DNTTIP1: variants seen among roughly 807,000 people sequenced by gnomAD.
The protein encoded by DNTTIP1 is deoxynucleotidyltransferase terminal-interacting protein 1.
Under a neutral mutation model 52.9 loss-of-function variants are expected in DNTTIP1, and 22 were observed. The ratio of observed to expected loss-of-function variants is 0.42; its 90% CI spans 0.30 to 0.59. The LOEUF (loss-of-function observed/expected upper bound fraction) is 0.59, where lower values mean the gene tolerates loss of function less well. DNTTIP1 is among the 20% of genes least tolerant of loss of function. DNTTIP1 has a pLI of 0.22. For synonymous variants in DNTTIP1, 136 were observed against 155.1 expected, an observed-to-expected ratio of 0.88 and a Z score of 0.92; for missense variants, 286 against 435.5, an observed-to-expected ratio of 0.66 and a Z score of 3.06.
intron 4 of DNTTIP1, among the ~76,000 whole-genome samples, chr20:45,799,916 G>A (rs924603791): frequency 2.8e-5 from 4 of 144,244 alleles, no homozygotes; most frequent in Non-Finnish European, 6.0e-5. Context: ...GACTAGCCTA[G>A]CCAACGTGAT....
In DNTTIP1 at chr20:45,811,408, T is replaced by C. The variant is rs1698325632; in HGVS notation, c.*213T>C. On this transcript the variant is annotated 3_prime_UTR_variant, in exon 13 of 13. Transcript: ENST00000372622. Reference sequence around the variant, plus strand: ...GGATAAGAAACAATTAAACAGTTTGTAGTAAACACAGATGGTGAACCTGCT... The same window carrying C: ...GGATAAGAAACAATTAAACAGTTTGCAGTAAACACAGATGGTGAACCTGCT... 2.0e-6 allele frequency: 1 copy of C among 511,952 alleles called. No homozygotes were observed. Among genetic ancestry groups the C allele is most frequent in the African/African-American group, 1.9e-5 (1 of 52,204 alleles). 31.7% of individuals were successfully genotyped at this position (511,952 alleles called of 1,614,324 possible). A position where few individuals can be genotyped will look rare whatever the true frequency, so the allele number is the denominator to read the frequency against.
Position 45,809,558 on chromosome 20 carries a change from CTT to C in DNTTIP1, c.795+376_795+377del, listed in dbSNP as rs1981756475. ...CTTCCACCAGACACAGCTATAGAATCTTTTCTCAACACAGTACTTGAGGCAGC... is the reference window on the plus strand; with the variant it reads ...CTTCCACCAGACACAGCTATAGAATCTTCTCAACACAGTACTTGAGGCAGC... On this transcript the variant is annotated intron_variant, in intron 11 of 12. Coordinates refer to ENST00000372622, the MANE Select transcript of DNTTIP1 (RefSeq NM_052951.3). This position sits in a 1 kb window ranked among gnomAD's most constrained non-coding sequence, Gnocchi z 4.2. 6.6e-6 allele frequency among the ~76,000 whole-genome samples: 1 copy of C among 152,238 alleles called. No individual in the cohort carries two copies. The highest frequency in any genetic ancestry group is 2.4e-5 in the African/African-American group (1 of 41,468).
Position 45,809,125 on chromosome 20 carries a change from C to T in DNTTIP1, c.735C>T (p.Asp245=), listed in dbSNP as rs1431577090. 1 of 1,613,926 alleles carries T rather than the reference C, an allele frequency of 6.2e-7. No homozygotes were observed. ...TTCATTCCTTACAGTATGCAGCTGA[C>T]CCCCAGGATAAGCACTGGCTGGCTG... The part of the protein sequence containing the change: ...KHPHLFKYAA[D]PQDKHWLAEQ... Residue 245 remains aspartate (D), a synonymous_variant, in exon 11 of 13, where the codon GAC becomes GAT. Coordinates refer to ENST00000372622, the MANE Select transcript of DNTTIP1 (RefSeq NM_052951.3). This position sits in a 1 kb window ranked among gnomAD's most constrained non-coding sequence, Gnocchi z 4.2.
chr20:45,808,407 G>A (rs1398567165), intron 10 of DNTTIP1, among the ~76,000 whole-genome samples: 5 of 152,000 alleles, frequency 3.3e-5, no homozygotes, highest in African/African-American at 1.2e-4. Context: ...TTGGGAGCCC[G>A]AGGTGGGCAG....
chr20:45,805,433 A>T (rs1001047083), intron 10 of DNTTIP1, 67 bp downstream of exon 10: 1 of 1,530,820 alleles, frequency 6.5e-7, no homozygotes, highest in African/African-American at 1.4e-5. Flanking sequence ...CACTCAGCAC[A>T]GAGAAGCTTA....
Position 45,810,573 on chromosome 20 carries a change from T to C in DNTTIP1, c.796-312T>C, listed in dbSNP as rs1425999729. ...GGTGGATCCCTTTTTTTTTCTTTTT[T>C]TCTTTTTTTTTTTTTTTTCTTAATT... On this transcript the variant is annotated intron_variant, in intron 11 of 12. Coordinates refer to ENST00000372622, the MANE Select transcript of DNTTIP1 (RefSeq NM_052951.3). Among the ~76,000 whole-genome samples the C allele has an allele frequency of 3.6e-4, 31 of 85,592 alleles. No individual in the cohort carries two copies. In the Admixed American group the frequency reaches 4.2e-3, roughly 12 times the overall value. 56.2% of individuals were successfully genotyped at this position (85,592 alleles called of 152,430 possible).
At chr20:45,797,863 A>G (rs1022794797) in intron 4 of DNTTIP1, among the ~76,000 whole-genome samples, 1,910 of 152,314 alleles carry the variant, frequency 0.013, 42 homozygotes, top group African/African-American at 0.044. Context: ...GAGAAATAGG[A>G]ACACTTTTAC....
chr20:45,802,043 A>G lies in DNTTIP1; in HGVS notation c.543A>G (p.Ala181=). Reference sequence around the variant, plus strand: ...GACACATCCTGTCAAGCGACCGGGCAGCCGCCGGCATGGTGTGAGTAGGGA... The same window carrying G: ...GACACATCCTGTCAAGCGACCGGGCGGCCGCCGGCATGGTGTGAGTAGGGA... ...PPGHILSSDR[A]AAGMVWKPKS... is the part of the protein sequence containing the mutation. The change falls in exon 7 of 13, where the codon GCA becomes GCG. Residue 181 remains alanine, a synonymous_variant. Coordinates refer to ENST00000372622, the MANE Select transcript of DNTTIP1 (RefSeq NM_052951.3). The G allele has an allele frequency of 6.2e-7, 1 of 1,614,166 alleles. No homozygotes were observed. Among genetic ancestry groups the G allele is most frequent in the East Asian group, 2.2e-5 (1 of 44,884 alleles).
At chr20:45,799,227 G>A (rs1981342678) in intron 4 of DNTTIP1, among the ~76,000 whole-genome samples, 1 of 152,222 alleles carries the variant, frequency 6.6e-6, no homozygotes, top group African/African-American at 2.4e-5. Context: ...TGTAATGAGA[G>A]AGGATAGGGA....
At chr20:45,810,500 T>C (rs1241092317) in intron 11 of DNTTIP1, among the ~76,000 whole-genome samples, 1 of 152,168 alleles carries the variant, frequency 6.6e-6, no homozygotes, top group Non-Finnish European at 1.5e-5. Flanking sequence ...ATAACCCACC[T>C]TGGGTCCTTT....
chr20:45,808,555 G>A (rs557042533), intron 10 of DNTTIP1, among the ~76,000 whole-genome samples: 8 of 152,240 alleles, frequency 5.3e-5, no homozygotes, highest in East Asian at 3.9e-4. Flanking sequence ...CAGGAGAATC[G>A]CTTGAACCCA....
At chr20:45,806,328 C>A (rs1981643385) in intron 10 of DNTTIP1, among the ~76,000 whole-genome samples, 1 of 134,816 alleles carries the variant, frequency 7.4e-6, no homozygotes, top group Non-Finnish European at 1.5e-5. Context: ...TGCACTCCAG[C>A]CTGGGCAACA....
Position 45,811,045 on chromosome 20 carries a change from T to C in DNTTIP1, c.852-12T>C, listed in dbSNP as rs1981827505. On this transcript the variant is annotated splice_polypyrimidine_tract_variant and intron_variant, in intron 12 of 12. Transcript: ENST00000372622. ...CACTTCCCCCAACTTCTCTCTTCAA[T>C]GTCTGTTCCAGAGGATGCCTGGATC... 1 of 1,613,544 alleles carries C rather than the reference T, an allele frequency of 6.2e-7. No individual in the cohort carries two copies. The highest frequency in any genetic ancestry group is 1.7e-5 in the Admixed American group (1 of 59,952).
chr20:45,796,449 C>T, intron 4 of DNTTIP1: 1 of 470,890 alleles, frequency 2.1e-6, no homozygotes, highest in Non-Finnish European at 4.4e-6. Context: ...ATCTGTCTCA[C>T]CCCTGCAGGT....
rs1601031505 is a variant in DNTTIP1, at chr20:45,806,363, A to AT, written c.723+997_723+998insT. On this transcript the variant is annotated intron_variant, in intron 10 of 12. Coordinates refer to ENST00000372622, the MANE Select transcript of DNTTIP1 (RefSeq NM_052951.3). The stretch of plus-strand genomic sequence containing the variant: ...AGAGCAAAACTCCATCTCAAAAAAA[A>AT]AAAAATAGAGTTTGGAGCAAGGCAG... Among the ~76,000 whole-genome samples, 7 of 151,678 alleles carry AT rather than the reference A, an allele frequency of 4.6e-5. No individual in the cohort carries two copies. In the East Asian group the frequency reaches 1.0e-3, roughly 22 times the overall value.
intron 10 of DNTTIP1, among the ~76,000 whole-genome samples, chr20:45,806,498 G>A (rs1421901516): frequency 6.6e-6 from 1 of 152,232 alleles, no homozygotes; most frequent in Non-Finnish European, 1.5e-5. Flanking sequence ...CACCCTCTTA[G>A]ATGATTTTGT....
intron 4 of DNTTIP1, among the ~76,000 whole-genome samples, chr20:45,800,176 A>G (rs1280750285): frequency 1.3e-5 from 2 of 152,138 alleles, no homozygotes; most frequent in Middle Eastern, 3.4e-3. Context: ...TGTTATACTA[A>G]TGTATTTAGT....
At position 45,801,110 on chromosome 20, in the gene DNTTIP1, C is replaced by T. The variant is rs765900526; in HGVS notation, c.409C>T (p.Pro137Ser). The change falls in exon 5 of 13, where the codon CCC becomes TCC. Residue 137 changes from proline (P) to serine (S), a missense_variant. Physicochemically the swap from Pro to Ser is moderately conservative, Grantham distance 74 (BLOSUM62 -1). Transcript: ENST00000372622. ...LLFSDGEKVI[P>S]RLTHELPGIK... ...CTTTTCAGATGGAGAAAAAGTAATA[C>T]CCAGATTGACCCATGAGCTTCCAGG... 4 of 1,613,876 alleles carry T rather than the reference C, an allele frequency of 2.5e-6. No individual in the cohort carries two copies. Among genetic ancestry groups the T allele is most frequent in the South Asian group, 2.2e-5 (2 of 91,082 alleles).
At position 45,809,981 on chromosome 20, in the gene DNTTIP1, TG is replaced by T. The variant is rs1981771037; in HGVS notation, c.795+801del. The stretch of plus-strand genomic sequence containing the variant: ...TAAATAAGAAATAGATGGTAGGGGG[TG>T]GGGGCAGGACCTAAAATTAAGCCAC... On this transcript the variant is annotated intron_variant, in intron 11 of 12. Transcript: ENST00000372622. The surrounding 1 kb of genome is among the most constrained non-coding windows in gnomAD (Gnocchi z 4.2). 6.6e-6 allele frequency among the ~76,000 whole-genome samples: 1 copy of T among 151,578 alleles called. No homozygotes were observed. The highest frequency in any genetic ancestry group is 2.1e-4 in the South Asian group (1 of 4,804).
Sources: allele counts gnomAD v4.1 joint callset (sites outside exome capture counted in the v4.1 genomes callset), GRCh38; gene constraint gnomAD v4.1.1; non-coding constraint Gnocchi (gnomAD v3.1); transcripts MANE v1.5; gene names NCBI Gene and HGNC (gene_info 2026-07-23, HGNC 2026-07-21).